The following KIF26B variants were observed in gnomAD, a reference collection of about 807,000 sequenced individuals.
The protein encoded by KIF26B is kinesin family member 26B.
Under a neutral mutation model 151.2 loss-of-function variants are expected in KIF26B, and 63 were observed. That is an observed-to-expected ratio of 0.42 (90% confidence interval 0.34 to 0.51). The LOEUF (loss-of-function observed/expected upper bound fraction) is 0.51. Ranked by LOEUF, KIF26B falls within the 20% of genes least tolerant of loss-of-function variation. The pLI is 0.07. For missense variants in KIF26B, 2,813 were observed against 2,913.6 expected (o/e 0.97, Z 0.79); for synonymous variants, 1,357 against 1,262.1 (o/e 1.08, Z -1.59).
In KIF26B at chr1:245,704,055, G is replaced by GTGAT. The variant is rs78249587; in HGVS notation, c.*1454_*1457dup. On this transcript the variant is annotated 3_prime_UTR_variant, in exon 15 of 15. Transcript: ENST00000407071. ...CTTAGGAATTATGATACCCATTTTA[G>GTGAT]TGATTGATAGAAACCTGGGGTACAG... 0.42 allele frequency: 63,204 copies of GTGAT among 151,698 alleles called. 14,557 individuals are homozygous for GTGAT. Among genetic ancestry groups the GTGAT allele is most frequent in the African/African-American group, 0.6 (24,879 of 41,306 alleles). 9.4% of individuals were successfully genotyped at this position (151,698 alleles called of 1,614,324 possible).
At chr1:245,214,625 G>A (rs1558347977) in intron 2 of KIF26B, among the ~76,000 whole-genome samples, 1 of 151,686 alleles carries the variant, frequency 6.6e-6, no homozygotes, top group Non-Finnish European at 1.5e-5. Context: ...GATCACCTGA[G>A]GTCAGGAGTT....
chr1:245,699,181 G>A lies in KIF26B; in HGVS notation c.6178+144G>A, dbSNP rs143647769. On this transcript the variant is annotated intron_variant, in intron 14 of 14. Coordinates refer to ENST00000407071, the MANE Select transcript of KIF26B (RefSeq NM_018012.4). The stretch of plus-strand genomic sequence containing the variant: ...CCCATCAAATGGAGGAAGTTGCACC[G>A]AGCGAGCAGCCCTACTCCCCTGGGG... The A allele has an allele frequency of 2.8e-4, 238 of 849,830 alleles. No homozygotes were observed. The African/African-American group carries it at 3.2e-3, about 11-fold the overall frequency. The allele number at this position is 849,830 out of a possible 1,614,324, so 52.6% of individuals were successfully genotyped here.
chr1:245,316,512 G>C (rs1671779199), intron 2 of KIF26B, among the ~76,000 whole-genome samples: 1 of 152,232 alleles, frequency 6.6e-6, no homozygotes, highest in African/African-American at 2.4e-5. Flanking sequence ...TGTCCCGAAG[G>C]TGAAAATCCA....
intron 3 of KIF26B, among the ~76,000 whole-genome samples, chr1:245,413,382 G>A (rs1397055168): frequency 1.4e-4 from 21 of 152,158 alleles, no homozygotes; most frequent in Non-Finnish European, 1.5e-5. Context: ...AAGGCTCTTG[G>A]CCAGGTGCGG....
chr1:245,666,661 G>A (rs1179152266), intron 10 of KIF26B, among the ~76,000 whole-genome samples: 2 of 152,032 alleles, frequency 1.3e-5, no homozygotes, highest in Admixed American at 6.5e-5. Context: ...CTGCTTCCTC[G>A]GCAAGCAGAG....
chr1:245,470,837 A>G (rs1454323124), intron 4 of KIF26B, among the ~76,000 whole-genome samples: 2 of 152,052 alleles, frequency 1.3e-5, no homozygotes, highest in Admixed American at 1.3e-4. Flanking sequence ...AATCATCTCT[A>G]TGTAGCTTTC....
intron 5 of KIF26B, among the ~76,000 whole-genome samples, chr1:245,543,627 A>T (rs1661672553): frequency 6.6e-6 from 1 of 152,110 alleles, no homozygotes; most frequent in Admixed American, 6.5e-5. Flanking sequence ...GGAGGAAGTG[A>T]CAGTTGGAGA....
At chr1:245,406,519 C>T (rs897756065) in intron 3 of KIF26B, among the ~76,000 whole-genome samples, 2 of 152,070 alleles carry the variant, frequency 1.3e-5, no homozygotes, top group Admixed American at 1.3e-4. Flanking sequence ...AAGGGACTGC[C>T]TAAAGATGTA....
intron 4 of KIF26B, among the ~76,000 whole-genome samples, chr1:245,432,902 G>C (rs985417123): frequency 6.6e-6 from 1 of 152,186 alleles, no homozygotes; most frequent in South Asian, 2.1e-4. Context: ...AGGTCTGGTT[G>C]ACATCCCTCC....
chr1:245,231,800 C>T (rs542698289), intron 2 of KIF26B, among the ~76,000 whole-genome samples: 124 of 152,252 alleles, frequency 8.1e-4, no homozygotes, highest in African/African-American at 2.9e-3. Context: ...TCAACAGCTA[C>T]GTGCAAAGCA....
chr1:245,305,950 A>T (rs1671530435), intron 2 of KIF26B, among the ~76,000 whole-genome samples: 1 of 151,616 alleles, frequency 6.6e-6, no homozygotes, highest in Non-Finnish European at 1.5e-5. Context: ...AAAAAAAAAA[A>T]AAAAAAAGAA....
At chr1:245,689,112 G>A (rs2044586644) in intron 12 of KIF26B, among the ~76,000 whole-genome samples, 1 of 152,226 alleles carries the variant, frequency 6.6e-6, no homozygotes, top group Non-Finnish European at 1.5e-5. Context: ...TTAGGGCCGT[G>A]AATCCCTTGG....
chr1:245,348,907 T>C (rs1672511310), intron 2 of KIF26B, among the ~76,000 whole-genome samples: 2 of 152,240 alleles, frequency 1.3e-5, no homozygotes, highest in Non-Finnish European at 2.9e-5. Flanking sequence ...TTCCGGTCTC[T>C]GCTCCAGTGT....
rs1661588921 is a variant in KIF26B, at chr1:245,540,499, T to C, written c.1167-268T>C. ...TGTTCCTGCTTAAGCTGAATGTTGG[T>C]GGATAACACATCATTCTTTGTAAAT... is the stretch of plus-strand genomic sequence containing the variant. On this transcript the variant is annotated intron_variant, in intron 4 of 14. Coordinates refer to ENST00000407071, the MANE Select transcript of KIF26B (RefSeq NM_018012.4). The surrounding 1 kb of genome is among the most constrained non-coding windows in gnomAD (Gnocchi z 4.6). 1 of 659,146 alleles carries C rather than the reference T, an allele frequency of 1.5e-6. No homozygotes were observed. The highest frequency in any genetic ancestry group is 2.8e-6 in the Non-Finnish European group (1 of 358,106). 40.8% of individuals were successfully genotyped at this position (659,146 alleles called of 1,614,324 possible). A position where few individuals can be genotyped will look rare whatever the true frequency, so the allele number is the denominator to read the frequency against.
chr1:245,285,085 T>C lies in KIF26B; in HGVS notation c.466-81749T>C, dbSNP rs571545326. ...AACAAAAACAATAATTTATTTTTGC[T>C]CTTGTGTCTGGGAGTCAGTTAGGGT... On this transcript the variant is annotated intron_variant, in intron 2 of 14. Transcript: ENST00000407071. Among the ~76,000 whole-genome samples, 6 of 152,338 alleles carry C rather than the reference T, an allele frequency of 3.9e-5. No individual in the cohort carries two copies. The South Asian group carries it at 1.2e-3, about 32-fold the overall frequency.
At chr1:245,636,529 T>C (rs2043835806) in intron 9 of KIF26B, among the ~76,000 whole-genome samples, 1 of 152,186 alleles carries the variant, frequency 6.6e-6, no homozygotes, top group Non-Finnish European at 1.5e-5. Context: ...TTATCTTTGC[T>C]TTGTGTTGGG....
chr1:245,484,908 AG>A (rs1362359384), intron 4 of KIF26B, among the ~76,000 whole-genome samples: 1 of 152,124 alleles, frequency 6.6e-6, no homozygotes, highest in East Asian at 1.9e-4. Flanking sequence ...ACAAAAGACA[AG>A]CAGGCATCTT....
chr1:245,204,991 G>GCC (rs1669371657), intron 2 of KIF26B, among the ~76,000 whole-genome samples: 1 of 152,050 alleles, frequency 6.6e-6, no homozygotes, highest in Non-Finnish European at 1.5e-5. Flanking sequence ...TTGCTATGTT[G>GCC]CCCAGGCTGG....
chr1:245,399,709 G>C (rs1673946547), intron 3 of KIF26B, among the ~76,000 whole-genome samples: 1 of 152,184 alleles, frequency 6.6e-6, no homozygotes, highest in Non-Finnish European at 1.5e-5. Flanking sequence ...GCTTTGGTTA[G>C]CTTGGTAAAG....
Sources: gnomAD v4.1 joint callset for allele counts (sites outside exome capture counted in the v4.1 genomes callset) on GRCh38, gnomAD v4.1.1 for gene constraint, Gnocchi (gnomAD v3.1) non-coding constraint, MANE v1.5 for transcripts, NCBI Gene and HGNC (gene_info 2026-07-23, HGNC 2026-07-21) for gene names.